The following GRID2 variants were observed in gnomAD, a reference collection of about 807,000 sequenced individuals.
GRID2 encodes glutamate receptor ionotropic, delta-2.
In GRID2, 33 loss-of-function variants were observed where a neutral mutation model predicts 114.8. The observed-to-expected ratio is 0.29, with a 90% CI of 0.22 to 0.38. GRID2 has a LOEUF of 0.38. GRID2 is among the 10% of genes least tolerant of loss of function. GRID2 has a pLI of 1.00. For synonymous variants in GRID2, 505 were observed against 449.9 expected (o/e 1.12, Z -1.55); for missense variants, 1,184 against 1,257.7 (o/e 0.94, Z 0.89).
chr4:93,396,112 A>G (rs569574253), intron 9 of GRID2, among the ~76,000 whole-genome samples: 35 of 152,038 alleles, frequency 2.3e-4, no homozygotes, highest in Non-Finnish European at 4.0e-4. Context: ...GGTAAAATGT[A>G]CATTCTCTAA....
intron 2 of GRID2, among the ~76,000 whole-genome samples, chr4:92,941,957 T>G (rs996098301): frequency 1.3e-5 from 2 of 152,200 alleles, no homozygotes; most frequent in African/African-American, 2.4e-5. Context: ...TTTCTGTTCT[T>G]TTACATTTGC....
In GRID2 at chr4:93,565,157, G is replaced by A. The variant is rs536193910; in HGVS notation, c.2193+49746G>A. Among the ~76,000 whole-genome samples, 74 of 151,748 alleles carry A rather than the reference G, an allele frequency of 4.9e-4. 2 individuals are homozygous for A. The South Asian group carries it at 0.015, about 32-fold the overall frequency. ...ATGATCTCTTAAAAGTATAACAATA[G>A]CAATAAAGATTATAAATACCTTTAA... On this transcript the variant is annotated intron_variant, in intron 13 of 15. Transcript: ENST00000282020.
At chr4:93,235,502 G>T (rs947129557) in intron 7 of GRID2, among the ~76,000 whole-genome samples, 3 of 152,040 alleles carry the variant, frequency 2.0e-5, no homozygotes, top group Non-Finnish European at 4.4e-5. Flanking sequence ...ATGGAAAAAA[G>T]CTTTAAAGCG....
intron 1 of GRID2, among the ~76,000 whole-genome samples, chr4:92,485,613 C>A (rs1722847309): frequency 6.6e-6 from 1 of 151,554 alleles, no homozygotes; most frequent in Non-Finnish European, 1.5e-5. Flanking sequence ...TTGCTTGAAC[C>A]TGTGAGGCGG....
intron 11 of GRID2, among the ~76,000 whole-genome samples, chr4:93,462,266 G>A (rs1426717333): frequency 6.6e-6 from 1 of 152,136 alleles, no homozygotes; most frequent in African/African-American, 2.4e-5. Flanking sequence ...TCTTGCAGGA[G>A]TGTTCAACAT....
At chr4:93,519,706 A>C (rs972967042) in intron 13 of GRID2, among the ~76,000 whole-genome samples, 2 of 152,204 alleles carry the variant, frequency 1.3e-5, no homozygotes, top group African/African-American at 4.8e-5. Context: ...TAGGATTTGT[A>C]AGTGAATAAT....
At chr4:93,067,189 T>G (rs1489879245) in intron 2 of GRID2, among the ~76,000 whole-genome samples, 1 of 152,056 alleles carries the variant, frequency 6.6e-6, no homozygotes, top group Non-Finnish European at 1.5e-5. Context: ...CTATTTGCAG[T>G]GAGGTTGCCC....
intron 1 of GRID2, among the ~76,000 whole-genome samples, chr4:92,338,920 G>A (rs1239093999): frequency 1.3e-5 from 2 of 151,938 alleles, no homozygotes; most frequent in African/African-American, 2.4e-5. Flanking sequence ...AGGAGGTGTG[G>A]CAATTGAAGT....
intron 4 of GRID2, among the ~76,000 whole-genome samples, chr4:93,193,642 G>A (rs1194716665): frequency 6.6e-6 from 1 of 152,158 alleles, no homozygotes; most frequent in Non-Finnish European, 1.5e-5. Flanking sequence ...AGCAGCATGA[G>A]TATGGACTAA....
In GRID2 at chr4:93,648,164, G is replaced by A. The variant is rs1035669568; in HGVS notation, c.2360+21729G>A. Among the ~76,000 whole-genome samples the A allele has an allele frequency of 8.8e-4, 134 of 152,248 alleles. 2 individuals are homozygous for A. The highest frequency in any genetic ancestry group is 3.2e-3 in the African/African-American group (132 of 41,540). On this transcript the variant is annotated intron_variant, in intron 14 of 15. Transcript: ENST00000282020. ...AAAATTATAAACAGGAACATGAGAA[G>A]GGGGATTGTATGGGAAGGAAGAGTA...
chr4:92,850,068 T>C (rs1453565284), intron 2 of GRID2, among the ~76,000 whole-genome samples: 1 of 151,336 alleles, frequency 6.6e-6, no homozygotes, highest in African/African-American at 2.4e-5. Flanking sequence ...CAAAAATGCA[T>C]GTTTTATATT....
intron 14 of GRID2, among the ~76,000 whole-genome samples, chr4:93,684,835 G>A (rs1725929951): frequency 6.6e-6 from 1 of 152,014 alleles, no homozygotes; most frequent in Non-Finnish European, 1.5e-5. Context: ...CACAAATGGG[G>A]CTCTGTGAAG....
chr4:93,664,860 A>G (rs1230500072), intron 14 of GRID2, among the ~76,000 whole-genome samples: 1 of 152,216 alleles, frequency 6.6e-6, no homozygotes, highest in Non-Finnish European at 1.5e-5. Context: ...AGAATTCAAC[A>G]AAAGAAGAGG....
At chr4:92,898,209 A>T (rs559757806) in intron 2 of GRID2, among the ~76,000 whole-genome samples, 235 of 152,242 alleles carry the variant, frequency 1.5e-3, no homozygotes, top group African/African-American at 5.5e-3. Flanking sequence ...AAAAGAAAAG[A>T]CGCATATCCA....
intron 10 of GRID2, among the ~76,000 whole-genome samples, chr4:93,423,336 CTTTTTTTTTTTTTTTT>C (rs554663844): frequency 6.8e-5 from 5 of 73,570 alleles, no homozygotes; most frequent in African/African-American, 2.3e-4. Flanking sequence ...TTTTTTCTTT[CTTTTTTTTTTTTTTTT>C]TTTTTTTTTT....
chr4:93,021,726 G>T (rs1046763572), intron 2 of GRID2, among the ~76,000 whole-genome samples: 1 of 141,632 alleles, frequency 7.1e-6, no homozygotes, highest in East Asian at 2.0e-4. Context: ...TTTATAATAT[G>T]TATATTATGA....
At chr4:92,396,045 GAC>G (rs1053418985) in intron 1 of GRID2, among the ~76,000 whole-genome samples, 43 of 151,736 alleles carry the variant, frequency 2.8e-4, no homozygotes, top group African/African-American at 1.0e-3. Context: ...AGTATGATAA[GAC>G]ATATTATTTA....
At chr4:92,574,215 C>G (rs550489711) in intron 1 of GRID2, among the ~76,000 whole-genome samples, 2 of 152,074 alleles carry the variant, frequency 1.3e-5, no homozygotes, top group South Asian at 4.1e-4. Context: ...CCCTTGAAGA[C>G]AGCATACCAA....
At chr4:93,013,505 G>A (rs1014177446) in intron 2 of GRID2, among the ~76,000 whole-genome samples, 27 of 151,824 alleles carry the variant, frequency 1.8e-4, no homozygotes, top group African/African-American at 5.6e-4. Context: ...TTAGCATGGG[G>A]ATTTATGTAT....
Sources: gnomAD v4.1 joint callset for allele counts (sites outside exome capture counted in the v4.1 genomes callset) on GRCh38, gnomAD v4.1.1 for gene constraint, MANE v1.5 for transcripts, NCBI Gene and HGNC (gene_info 2026-07-23, HGNC 2026-07-21) for gene names.